Variants in MAPK8 observed in about 807,000 individuals in gnomAD.
The protein encoded by MAPK8 is mitogen-activated protein kinase 8, also known as JUN N-terminal kinase.
MAPK8 carries 13 observed loss-of-function variants against 52.9 expected under a neutral mutation model. The ratio of observed to expected loss-of-function variants is 0.25; its 90% CI spans 0.16 to 0.39. The LOEUF (loss-of-function observed/expected upper bound fraction) is 0.39, where lower values mean the gene tolerates loss of function less well. MAPK8 is among the 10% of genes least tolerant of loss of function. The pLI is 1.00. For synonymous variants in MAPK8, 191 were observed against 169.8 expected (o/e 1.12, Z -0.97); for missense variants, 300 against 519.2 (o/e 0.58, Z 4.10).
At chr10:48,327,199 G>C (rs1045254315) in intron 1 of MAPK8, among the ~76,000 whole-genome samples, 1 of 152,130 alleles carries the variant, frequency 6.6e-6, no homozygotes, top group Admixed American at 6.5e-5. Context: ...GTTCACTGTA[G>C]AGGGTTTTTT....
chr10:48,401,428 G>A (rs546101039), intron 1 of MAPK8, among the ~76,000 whole-genome samples, 184 bp from the exon 2 acceptor site: 17 of 151,908 alleles, frequency 1.1e-4, no homozygotes, highest in Non-Finnish European at 2.1e-4. Flanking sequence ...AAAACTATCA[G>A]TCATTCATAT....
chr10:48,339,595 T>C (rs960370448), intron 1 of MAPK8, among the ~76,000 whole-genome samples: 1 of 152,108 alleles, frequency 6.6e-6, no homozygotes, highest in Non-Finnish European at 1.5e-5. Flanking sequence ...TTACAGAGCT[T>C]CTGCACAGCA....
chr10:48,437,817 C>A lies in MAPK8; in HGVS notation c.*2788C>A, dbSNP rs1481182012. Reference sequence around the variant, plus strand: ...TTAAATCAGAAGCCTACACACAACCCCCTTAACAATCCAAAGAAGCTTGAT... The same window carrying A: ...TTAAATCAGAAGCCTACACACAACCACCTTAACAATCCAAAGAAGCTTGAT... On this transcript the variant is annotated 3_prime_UTR_variant, in exon 12 of 12. Coordinates refer to ENST00000374189, the MANE Select transcript of MAPK8 (RefSeq NM_001323329.2). 2.6e-5 allele frequency: 4 copies of A among 152,248 alleles called. No individual in the cohort carries two copies. Among genetic ancestry groups the A allele is most frequent in the Admixed American group, 2.0e-4 (3 of 15,274 alleles). The allele number at this position is 152,248 out of a possible 1,614,324, so 9.4% of individuals were successfully genotyped here.
At chr10:48,313,031 C>CT (rs1174322920) in intron 1 of MAPK8, among the ~76,000 whole-genome samples, 1 of 152,038 alleles carries the variant, frequency 6.6e-6, no homozygotes, top group Non-Finnish European at 1.5e-5. Context: ...AGAATGAAGG[C>CT]TTTTTTTGCA....
chr10:48,311,330 A>G (rs1841968484), intron 1 of MAPK8, among the ~76,000 whole-genome samples: 1 of 152,194 alleles, frequency 6.6e-6, no homozygotes, highest in Admixed American at 6.5e-5. Context: ...TGGGGGGTTT[A>G]TTTAAAATTC....
intron 1 of MAPK8, among the ~76,000 whole-genome samples, chr10:48,398,091 G>T (rs1214166953): frequency 1.3e-5 from 2 of 152,060 alleles, no homozygotes; most frequent in African/African-American, 2.4e-5. Flanking sequence ...GTTGTTGCTG[G>T]GTGAAAGGTA....
chr10:48,378,638 A>G (rs568411084), intron 1 of MAPK8, among the ~76,000 whole-genome samples: 6 of 152,232 alleles, frequency 3.9e-5, no homozygotes, highest in East Asian at 3.9e-4. Flanking sequence ...CTCAAAAACA[A>G]TGGTCAGGCT....
chr10:48,361,554 A>G (rs1389803041), intron 1 of MAPK8, among the ~76,000 whole-genome samples: 1 of 152,186 alleles, frequency 6.6e-6, no homozygotes, highest in Non-Finnish European at 1.5e-5. Context: ...TATACTTTTA[A>G]AAAAGGAAAT....
chr10:48,403,593 T>C (rs774313303), intron 2 of MAPK8, among the ~76,000 whole-genome samples: 1 of 152,202 alleles, frequency 6.6e-6, no homozygotes, highest in South Asian at 2.1e-4. Flanking sequence ...GTTGGAGTCA[T>C]TTTGTAAGCC....
At chr10:48,427,447 C>A in intron 10 of MAPK8, 1 of 299,250 alleles carries the variant, frequency 3.3e-6, no homozygotes, top group Non-Finnish European at 6.5e-6. Context: ...TTTAAAATCA[C>A]GTATGGTTGT....
chr10:48,350,372 A>T (rs1846193156), intron 1 of MAPK8, among the ~76,000 whole-genome samples: 1 of 152,190 alleles, frequency 6.6e-6, no homozygotes, highest in Admixed American at 6.5e-5. Context: ...ATCCTCAGTA[A>T]AATCCTGGCA....
intron 1 of MAPK8, among the ~76,000 whole-genome samples, chr10:48,319,832 G>T (rs138648794): frequency 6.6e-6 from 1 of 152,094 alleles, no homozygotes; most frequent in African/African-American, 2.4e-5. Flanking sequence ...TACACTGTGC[G>T]ATCTTTTGTG....
intron 5 of MAPK8, among the ~76,000 whole-genome samples, chr10:48,416,356 A>G (rs1476784441): frequency 1.3e-5 from 2 of 152,226 alleles, no homozygotes; most frequent in East Asian, 1.9e-4. Flanking sequence ...AAAGCTAGCC[A>G]TAGACTTGCT....
chr10:48,431,833 G>C (rs2044302953), intron 11 of MAPK8, among the ~76,000 whole-genome samples: 2 of 152,036 alleles, frequency 1.3e-5, no homozygotes, highest in Non-Finnish European at 2.9e-5. Context: ...AAGAATAGAG[G>C]GGAAAAGTTA....
chr10:48,318,946 G>T (rs961159504), intron 1 of MAPK8, among the ~76,000 whole-genome samples: 2 of 152,228 alleles, frequency 1.3e-5, no homozygotes, highest in East Asian at 1.9e-4. Flanking sequence ...ACACAGCAGT[G>T]TGGCAGTGAG....
At chr10:48,364,647 C>G (rs909452046) in intron 1 of MAPK8, among the ~76,000 whole-genome samples, 1 of 152,080 alleles carries the variant, frequency 6.6e-6, no homozygotes, top group African/African-American at 2.4e-5. Flanking sequence ...TGCCTAGGAT[C>G]AAAGAAACAG....
In MAPK8 at chr10:48,420,229, T is replaced by C; in HGVS notation, c.525T>C (p.Thr175=). 1.2e-6 allele frequency: 2 copies of C among 1,613,964 alleles called. No homozygotes were observed. Among genetic ancestry groups the C allele is most frequent in the East Asian group, 2.2e-5 (1 of 44,884 alleles). ...TTCTTGACTTCGGTCTGGCCAGGAC[T>C]GCAGGAACGAGTTTTATGATGACGC... ...LKILDFGLAR[T]AGTSFMMTPY... is the part of the protein sequence containing the mutation. Residue 175 remains threonine (T), a synonymous_variant, in exon 6 of 12, where the codon ACT becomes ACC. Coordinates refer to ENST00000374189, the MANE Select transcript of MAPK8 (RefSeq NM_001323329.2).
intron 1 of MAPK8, among the ~76,000 whole-genome samples, chr10:48,347,007 A>G (rs1436575548): frequency 1.3e-5 from 2 of 152,136 alleles, no homozygotes; most frequent in Admixed American, 1.3e-4. Flanking sequence ...CGGGGCCACT[A>G]CCGGTCTCCG....
At chr10:48,372,050 A>G (rs1175553607) in intron 1 of MAPK8, among the ~76,000 whole-genome samples, 1 of 152,114 alleles carries the variant, frequency 6.6e-6, no homozygotes, top group African/African-American at 2.4e-5. Context: ...AGAAGCCCAC[A>G]AAACAGTCCT....
Sources: gnomAD v4.1 joint callset for allele counts (sites outside exome capture counted in the v4.1 genomes callset) on GRCh38, gnomAD v4.1.1 for gene constraint, MANE v1.5 for transcripts, NCBI Gene and HGNC (gene_info 2026-07-23, HGNC 2026-07-21) for gene names.